The following SRM variants were observed in gnomAD, a reference collection of about 807,000 sequenced individuals.
SRM encodes putrescine aminopropyltransferase.
Under a neutral mutation model 39.3 loss-of-function variants are expected in SRM, and 14 were observed. The ratio of observed to expected loss-of-function variants is 0.36; its 90% CI spans 0.24 to 0.56. The LOEUF (loss-of-function observed/expected upper bound fraction) is 0.56, where lower values mean the gene tolerates loss of function less well. SRM is among the 20% of genes least tolerant of loss of function. SRM has a pLI of 0.86. For missense variants in SRM, 244 were observed against 409.2 expected, an observed-to-expected ratio of 0.60 and a Z score of 3.48; for synonymous variants, 195 against 173.1, an observed-to-expected ratio of 1.13 and a Z score of -0.99.
intron 5 of SRM, 31 bp from the exon 6 acceptor site, chr1:11,055,957 G>C: frequency 1.9e-6 from 3 of 1,588,568 alleles, no homozygotes; most frequent in African/African-American, 1.3e-5. Context: ...GCATCCGGCA[G>C]GGCCTGCCCT....
chr1:11,058,723 G>C, intron 3 of SRM, 77 bp downstream of exon 3: 1 of 1,302,120 alleles, frequency 7.7e-7, no homozygotes, highest in Non-Finnish European at 1.1e-6. Flanking sequence ...CCTTGCTCGG[G>C]GGTGTGCAGC....
rs1638955317 is a variant in SRM, at chr1:11,060,003, G to C, written c.-60C>G. The stretch of plus-strand genomic sequence containing the variant: ...GGACTGCAGGCCGCGCGGCGCCGCA[G>C]CACAACGGGACCAGCTCCGCCCGCC... On this transcript the variant is annotated 5_prime_UTR_variant, in exon 1 of 8. Coordinates refer to ENST00000376957, the MANE Select transcript of SRM (RefSeq NM_003132.3). 1.7e-5 allele frequency: 15 copies of C among 887,622 alleles called. No individual in the cohort carries two copies. Among genetic ancestry groups the C allele is most frequent in the Non-Finnish European group, 2.0e-5 (15 of 743,022 alleles). 55.0% of individuals were successfully genotyped at this position (887,622 alleles called of 1,614,324 possible). A position where few individuals can be genotyped will look rare whatever the true frequency, so the allele number is the denominator to read the frequency against.
rs1348896741 is a variant in SRM, at chr1:11,056,760, G to A, written c.382-3C>T. ...TTCTTGGAGACTTGGATGACATCCTGGAGGGGATGGGAGGGACCAGTCTGG... is the reference window on the plus strand; with the variant it reads ...TTCTTGGAGACTTGGATGACATCCTAGAGGGGATGGGAGGGACCAGTCTGG... On this transcript the variant is annotated splice_region_variant and splice_polypyrimidine_tract_variant and intron_variant, in intron 3 of 7. Transcript: ENST00000376957. The A allele has an allele frequency of 6.2e-7, 1 of 1,614,074 alleles. No individual in the cohort carries two copies.
chr1:11,055,759 C>A (rs759541819), intron 6 of SRM, 22 bp downstream of exon 6: 11 of 1,542,532 alleles, frequency 7.1e-6, no homozygotes, highest in South Asian at 1.2e-5. Flanking sequence ...CCAACCCCCA[C>A]CCCCAGACAC....
chr1:11,056,586 G>T lies in SRM; in HGVS notation c.535+18C>A. 2 of 1,613,508 alleles carry T rather than the reference G, an allele frequency of 1.2e-6. No individual in the cohort carries two copies. Among genetic ancestry groups the T allele is most frequent in the Non-Finnish European group, 1.7e-6 (2 of 1,179,784 alleles). On this transcript the variant is annotated intron_variant, in intron 4 of 7. Transcript: ENST00000376957. ...ACCTGCAGCTGCCAGAAAACCCTGG[G>T]GCCCATCCACTGCTTACCCATGGGG...
chr1:11,056,096 TGG>T lies in SRM; in HGVS notation c.536-4_536-3del, dbSNP rs1287486382. ...CCTTGAAGAGACTTTCGGCGGGGCC[TGG>T]GGAAGACAGAGGGAGACACACTGAA... On this transcript the variant is annotated splice_region_variant and splice_polypyrimidine_tract_variant and intron_variant, in intron 4 of 7. Coordinates refer to ENST00000376957, the MANE Select transcript of SRM (RefSeq NM_003132.3). 1 of 1,607,550 alleles carries T rather than the reference TGG, an allele frequency of 6.2e-7. No individual in the cohort carries two copies. Among genetic ancestry groups the T allele is most frequent in the Non-Finnish European group, 8.5e-7 (1 of 1,176,708 alleles).
At chr1:11,057,262 A>C (rs1638895393) in intron 3 of SRM, among the ~76,000 whole-genome samples, 1 of 151,722 alleles carries the variant, frequency 6.6e-6, no homozygotes, top group Admixed American at 6.6e-5. Context: ...CCTCTCTCCC[A>C]TCCCTACCCC....
chr1:11,059,148 G>A, intron 2 of SRM, 77 bp downstream of exon 2: 1 of 1,601,156 alleles, frequency 6.2e-7, no homozygotes, highest in East Asian at 2.2e-5. Flanking sequence ...CAACCATGCA[G>A]GCAGCATCTG....
intron 1 of SRM, 47 bp from the exon 2 acceptor site, chr1:11,059,392 A>C: frequency 6.2e-7 from 1 of 1,604,860 alleles, no homozygotes; most frequent in Non-Finnish European, 8.5e-7. Context: ...TGGGGTGGGG[A>C]AAACGTACCC....
rs747037510 is a variant in SRM, at chr1:11,059,357, G to A, written c.168-12C>T. On this transcript the variant is annotated splice_polypyrimidine_tract_variant and intron_variant, in intron 1 of 7. Coordinates refer to ENST00000376957, the MANE Select transcript of SRM (RefSeq NM_003132.3). ...TGCCATAGGTCTTACTGCGGGCGGA[G>A]TGACAGTCGGGGACCTGGGTTCTCT... 3 of 1,612,444 alleles carry A rather than the reference G, an allele frequency of 1.9e-6. No homozygotes were observed. Among genetic ancestry groups the A allele is most frequent in the Middle Eastern group, 1.6e-4 (1 of 6,076 alleles).
In SRM at chr1:11,054,857, G is replaced by A. The variant is rs199584135; in HGVS notation, c.*8C>T. 6.0e-5 allele frequency: 96 copies of A among 1,603,436 alleles called. No homozygotes were observed. The African/African-American group carries it at 1.2e-3, about 19-fold the overall frequency. On this transcript the variant is annotated 3_prime_UTR_variant, in exon 8 of 8. Transcript: ENST00000376957. The surrounding 1 kb of genome is among the most constrained non-coding windows in gnomAD (Gnocchi z 4.8). ...GGTCCTGGGTGGCATCAGTGGTGGC[G>A]CCTGGGCTCAGCTCACATCATTCAG... is the stretch of plus-strand genomic sequence containing the variant.
chr1:11,059,972 G>A lies in SRM; in HGVS notation c.-29C>T, dbSNP rs1178378358. 1.9e-5 allele frequency: 19 copies of A among 976,840 alleles called. No homozygotes were observed. Among genetic ancestry groups the A allele is most frequent in the Non-Finnish European group, 2.3e-5 (19 of 823,540 alleles). 60.5% of individuals were successfully genotyped at this position (976,840 alleles called of 1,614,324 possible). On this transcript the variant is annotated 5_prime_UTR_variant, in exon 1 of 8. Transcript: ENST00000376957. ...GGGCGGGCGGGCGGCGCGGGGCGCG[G>A]GCCCGGGACTGCAGGCCGCGCGGCG...
intron 4 of SRM, 109 bp from the exon 5 acceptor site, chr1:11,056,203 G>T: frequency 1.9e-6 from 2 of 1,033,950 alleles, no homozygotes; most frequent in Non-Finnish European, 2.8e-6. Context: ...ACCCAGGTCT[G>T]TGGGGGATCC....
Position 11,054,864 on chromosome 1 carries a change from C to G in SRM, c.*1G>C, listed in dbSNP as rs1638840897. 1 of 1,606,768 alleles carries G rather than the reference C, an allele frequency of 6.2e-7. No homozygotes were observed. Among genetic ancestry groups the G allele is most frequent in the African/African-American group, 1.3e-5 (1 of 74,732 alleles). On this transcript the variant is annotated 3_prime_UTR_variant, in exon 8 of 8. Transcript: ENST00000376957. This position sits in a 1 kb window ranked among gnomAD's most constrained non-coding sequence, Gnocchi z 4.8. ...GGTGGCATCAGTGGTGGCGCCTGGG[C>G]TCAGCTCACATCATTCAGGGCCTGG...
chr1:11,059,949 G>A lies in SRM; in HGVS notation c.-6C>T. 9.5e-7 allele frequency: 1 copy of A among 1,054,976 alleles called. No individual in the cohort carries two copies. 65.4% of individuals were successfully genotyped at this position (1,054,976 alleles called of 1,614,324 possible). ...CCGTCGGGGCCGGGCTCCATGGCGG[G>A]CGGGCGGGCGGCGCGGGGCGCGGGC... On this transcript the variant is annotated 5_prime_UTR_variant, in exon 1 of 8. Transcript: ENST00000376957.
At chr1:11,056,405 T>C (rs983331315) in intron 4 of SRM, among the ~76,000 whole-genome samples, 199 bp downstream of exon 4, 1 of 152,118 alleles carries the variant, frequency 6.6e-6, no homozygotes, top group Non-Finnish European at 1.5e-5. Flanking sequence ...GTCACCAGCT[T>C]GTGAATCTGG....
intron 6 of SRM, 29 bp downstream of exon 6, chr1:11,055,752 A>ACCCCCCCCCCCCAC: frequency 6.8e-7 from 1 of 1,466,026 alleles, no homozygotes; most frequent in Non-Finnish European, 9.3e-7. Context: ...CTTCCCCCCA[A>ACCCCCCCCCCCCAC]CCCCCACCCC....
At chr1:11,056,484 A>G in intron 4 of SRM, 120 bp downstream of exon 4, 2 of 1,266,884 alleles carry the variant, frequency 1.6e-6, no homozygotes, top group East Asian at 2.5e-5. Context: ...TGAGAAGGGA[A>G]AAGTACAGCT....
chr1:11,058,136 G>A (rs764607560), intron 3 of SRM, among the ~76,000 whole-genome samples: 11 of 152,110 alleles, frequency 7.2e-5, no homozygotes, highest in Non-Finnish European at 1.3e-4. Context: ...CTGATCTGTC[G>A]TCTACCACTG....
Sources: allele counts gnomAD v4.1 joint callset (sites outside exome capture counted in the v4.1 genomes callset), GRCh38; gene constraint gnomAD v4.1.1; non-coding constraint Gnocchi (gnomAD v3.1); transcripts MANE v1.5; gene names NCBI Gene and HGNC (gene_info 2026-07-23, HGNC 2026-07-21).